Variants in CLCN7 observed in about 807,000 individuals in gnomAD.
CLCN7 encodes the protein Cl-/H+ antiporter 7.
Under a neutral mutation model 102.1 loss-of-function variants are expected in CLCN7, and 60 were observed. That is an observed-to-expected ratio of 0.59 (90% CI 0.48 to 0.73). The LOEUF is 0.73. CLCN7 is among the 30% of genes least tolerant of loss of function. The pLI is 0.00. For missense variants in CLCN7, 962 were observed against 1,125.7 expected, an observed-to-expected ratio of 0.85 and a Z score of 2.08; for synonymous variants, 560 against 490.5, an observed-to-expected ratio of 1.14 and a Z score of -1.87.
intron 17 of CLCN7, chr16:1,449,707 GA>G: frequency 1.9e-5 from 7 of 360,896 alleles, no homozygotes; most frequent in South Asian, 3.1e-5. Context: ...GGAGGCTGCA[GA>G]AAGCGGGGCA....
chr16:1,475,006 C>T lies in CLCN7; in HGVS notation c.-32G>A, dbSNP rs141324197. 9,644 of 1,429,230 alleles carry T rather than the reference C, an allele frequency of 6.7e-3. 42 individuals carry two copies. Among genetic ancestry groups the T allele is most frequent in the Non-Finnish European group, 8.2e-3 (8,877 of 1,088,288 alleles). The allele number at this position is 1,429,230 out of a possible 1,614,324, so 88.5% of individuals were successfully genotyped here. The stretch of plus-strand genomic sequence containing the variant: ...CCGCGGAGCGACACCGGCCGGGAAG[C>T]GCCGGCTGCCCCCGTGTTTGTTCTC... On this transcript the variant is annotated 5_prime_UTR_variant, in exon 1 of 25. Coordinates refer to ENST00000382745, the MANE Select transcript of CLCN7 (RefSeq NM_001287.6).
chr16:1,456,075 C>T (rs373779983), intron 10 of CLCN7, 38 bp downstream of exon 10: 91 of 1,473,258 alleles, frequency 6.2e-5, no homozygotes, highest in Non-Finnish European at 7.9e-5. Context: ...ACACACAGGG[C>T]GAGGGCAAAG....
At chr16:1,448,237 A>G in intron 21 of CLCN7, 118 bp downstream of exon 21, 1 of 1,359,576 alleles carries the variant, frequency 7.4e-7, no homozygotes, top group Non-Finnish European at 1.0e-6. Context: ...CACTCCTGGA[A>G]CTGCCAGTGC....
At chr16:1,450,418 G>A in intron 17 of CLCN7, 79 bp downstream of exon 17, 1 of 1,360,200 alleles carries the variant, frequency 7.4e-7, no homozygotes, top group Non-Finnish European at 1.0e-6. Context: ...CCTGCCCTGG[G>A]ACTTCTGCTC....
intron 2 of CLCN7, 26 bp downstream of exon 2, chr16:1,465,241 G>A (rs1405055401): frequency 6.2e-7 from 1 of 1,605,130 alleles, no homozygotes; most frequent in Admixed American, 1.7e-5. Context: ...AGCTCTGCGG[G>A]AGGACGGGGA....
At chr16:1,454,837 G>A (rs1006575283) in intron 12 of CLCN7, among the ~76,000 whole-genome samples, 1 of 152,150 alleles carries the variant, frequency 6.6e-6, no homozygotes, top group Non-Finnish European at 1.5e-5. Context: ...CTAGGCCTGA[G>A]CCCACCTGCC....
chr16:1,457,606 G>A lies in CLCN7; in HGVS notation c.738+88C>T, dbSNP rs932480391. On this transcript the variant is annotated intron_variant, in intron 8 of 24. Transcript: ENST00000382745. This position sits in a 1 kb window ranked among gnomAD's most constrained non-coding sequence, Gnocchi z 5.4. The stretch of plus-strand genomic sequence containing the variant: ...GCCCTTCCTGGAGACCAGAAGGACC[G>A]GTGCTCAGAGACACACATGGGCGTG... 10 of 1,334,996 alleles carry A rather than the reference G, an allele frequency of 7.5e-6. No individual in the cohort carries two copies. Among genetic ancestry groups the A allele is most frequent in the Admixed American group, 7.0e-5 (4 of 57,366 alleles). 82.7% of individuals were successfully genotyped at this position (1,334,996 alleles called of 1,614,324 possible).
chr16:1,446,247 C>T lies in CLCN7; in HGVS notation c.*384G>A. The T allele has an allele frequency of 1.5e-6, 1 of 670,602 alleles. No homozygotes were observed. The highest frequency in any genetic ancestry group is 2.7e-6 in the Non-Finnish European group (1 of 370,226). 41.5% of individuals were successfully genotyped at this position (670,602 alleles called of 1,614,324 possible). On this transcript the variant is annotated 3_prime_UTR_variant, in exon 25 of 25. Coordinates refer to ENST00000382745, the MANE Select transcript of CLCN7 (RefSeq NM_001287.6). ...TTCCAGGGCAGGGCAGCCCTCGGGG[C>T]AGCAGCAGGGGCAAGGGCTCTGTCT... is the stretch of plus-strand genomic sequence containing the variant.
At chr16:1,450,449 CCTGGCTCAG>C (rs2038726913) in intron 17 of CLCN7, 39 bp downstream of exon 17, 1 of 1,538,936 alleles carries the variant, frequency 6.5e-7, no homozygotes, top group Non-Finnish European at 8.8e-7. Context: ...TGCCGCAAGA[CCTGGCTCAG>C]CTGCAGGGCC....
rs115129056 is a variant in CLCN7 at position 1,461,118 on chromosome 16, G to A, written c.352-170C>T. On this transcript the variant is annotated intron_variant, in intron 4 of 24. Coordinates refer to ENST00000382745, the MANE Select transcript of CLCN7 (RefSeq NM_001287.6). Reference sequence around the variant, plus strand: ...TCTGGCCAACATCTGAGGCGCACCCGGGGCCCGAGGGTGACTCGGGGAGGT... The same window carrying A: ...TCTGGCCAACATCTGAGGCGCACCCAGGGCCCGAGGGTGACTCGGGGAGGT... Among the ~76,000 whole-genome samples, 373 of 152,350 alleles carry A rather than the reference G, an allele frequency of 2.4e-3. 2 individuals are homozygous for A. The highest frequency in any genetic ancestry group is 8.1e-3 in the African/African-American group (338 of 41,584).
intron 1 of CLCN7, among the ~76,000 whole-genome samples, chr16:1,468,365 A>C (rs191048532): frequency 6.6e-6 from 1 of 152,342 alleles, no homozygotes; most frequent in Non-Finnish European, 1.5e-5. Context: ...CCCGGAGTGA[A>C]AGGATGGGGC....
chr16:1,463,456 A>T (rs1000908314), intron 2 of CLCN7, among the ~76,000 whole-genome samples: 1 of 152,118 alleles, frequency 6.6e-6, no homozygotes, highest in African/African-American at 2.4e-5. Flanking sequence ...CCACACAGTG[A>T]GACCTCATCT....
At position 1,446,638 on chromosome 16, in the gene CLCN7, T is replaced by G. The variant is rs1426672275; in HGVS notation, c.2411A>C (p.Gln804Pro). The change falls in exon 25 of 25, where the codon CAG becomes CCG. Residue 804 changes from glutamine to proline, a missense_variant. Coordinates refer to ENST00000382745, the MANE Select transcript of CLCN7 (RefSeq NM_001287.6). ...TATGGGCAGGGCTGGGCCTCACGTCTGGGCCAGCGAGAGCTCCTCCAAGCC... is the reference window on the plus strand; with the variant it reads ...TATGGGCAGGGCTGGGCCTCACGTCGGGGCCAGCGAGAGCTCCTCCAAGCC... ...KRGLEELSLA[Q>P]T 3 of 1,565,996 alleles carry G rather than the reference T, an allele frequency of 1.9e-6. No homozygotes were observed. Among genetic ancestry groups the G allele is most frequent in the Non-Finnish European group, 2.6e-6 (3 of 1,155,500 alleles).
chr16:1,452,657 G>A (rs927509977), intron 15 of CLCN7, 98 bp downstream of exon 15: 20 of 1,315,368 alleles, frequency 1.5e-5, no homozygotes, highest in Non-Finnish European at 1.9e-5. Flanking sequence ...GGAACTCGGC[G>A]GGGTGGGCAG....
intron 1 of CLCN7, among the ~76,000 whole-genome samples, chr16:1,466,246 C>T (rs1007350023): frequency 1.3e-5 from 2 of 152,242 alleles, no homozygotes; most frequent in Non-Finnish European, 2.9e-5. Flanking sequence ...ACGAGGCTGC[C>T]GCCCGCCTTC....
At chr16:1,453,995 G>C in intron 13 of CLCN7, 101 bp from the exon 14 acceptor site, 1 of 1,165,892 alleles carries the variant, frequency 8.6e-7, no homozygotes, top group Middle Eastern at 2.0e-4. Flanking sequence ...GTTTGCAGAG[G>C]GAAGGGGACG....
At chr16:1,470,128 C>T (rs954455143) in intron 1 of CLCN7, among the ~76,000 whole-genome samples, 1 of 152,226 alleles carries the variant, frequency 6.6e-6, no homozygotes, top group African/African-American at 2.4e-5. Flanking sequence ...GTGCTCAACC[C>T]TACTGACTGC....
Position 1,466,957 on chromosome 16 carries a change from A to G in CLCN7, c.142-1619T>C, listed in dbSNP as rs1484209329. Among the ~76,000 whole-genome samples the G allele has an allele frequency of 2.5e-5, 3 of 121,750 alleles. No homozygotes were observed. The East Asian group carries it at 6.5e-4, about 26-fold the overall frequency. The allele number at this position is 121,750 out of a possible 152,430, so 79.9% of individuals were successfully genotyped here. A position where few individuals can be genotyped will look rare whatever the true frequency, so the allele number is the denominator to read the frequency against. On this transcript the variant is annotated intron_variant, in intron 1 of 24. Transcript: ENST00000382745. ...AAAAAAAAAAAAAAAAAAAAAAAGA[A>G]CCTGACCTTCCAGCCCACTGCCCTC...
At chr16:1,467,040 A>AC (rs1198579758) in intron 1 of CLCN7, among the ~76,000 whole-genome samples, 52 of 145,412 alleles carry the variant, frequency 3.6e-4, no homozygotes, top group African/African-American at 1.3e-3. Context: ...CTTGCTGTAC[A>AC]CCCCCCGTGT....
Sources: allele counts gnomAD v4.1 joint callset (sites outside exome capture counted in the v4.1 genomes callset), GRCh38; gene constraint gnomAD v4.1.1; non-coding constraint Gnocchi (gnomAD v3.1); transcripts MANE v1.5; gene names NCBI Gene and HGNC (gene_info 2026-07-23, HGNC 2026-07-21).